The following IQCE variants were observed in gnomAD, a reference collection of about 807,000 sequenced individuals.
IQCE encodes IQ motif containing E.
IQCE carries 115 observed loss-of-function variants against 96.0 expected under a neutral mutation model. The observed-to-expected ratio is 1.20, with a 90% confidence interval of 1.03 to 1.40. IQCE has a LOEUF of 1.40. Ranked by LOEUF, IQCE falls within the 40% of genes most tolerant of loss-of-function variation. The pLI, the probability that IQCE is intolerant of heterozygous loss-of-function variation, is 0.00. For synonymous variants in IQCE, 412 were observed against 371.2 expected (o/e 1.11, Z -1.26); for missense variants, 1,041 against 909.1 (o/e 1.15, Z -1.87).
chr7:2,592,710 G>A (rs915814052), intron 14 of IQCE, among the ~76,000 whole-genome samples: 2 of 152,218 alleles, frequency 1.3e-5, no homozygotes, highest in African/African-American at 2.4e-5. Flanking sequence ...ACCCTCACAC[G>A]GGTGCGAGGT....
intron 2 of IQCE, 51 bp from the exon 3 acceptor site, chr7:2,568,903 G>A: frequency 1.3e-6 from 2 of 1,534,996 alleles, no homozygotes; most frequent in Middle Eastern, 1.7e-4. Context: ...GTCTTGTGAT[G>A]CACCACTGTG....
At chr7:2,610,019 C>T (rs201483489) in intron 21 of IQCE, 25 bp from the exon 22 acceptor site, 1 of 1,340,718 alleles carries the variant, frequency 7.5e-7, no homozygotes, top group Non-Finnish European at 1.1e-6. Context: ...TGGCTGACCC[C>T]TCTCCCTGTG....
chr7:2,567,931 C>G (rs1296056760), intron 2 of IQCE, among the ~76,000 whole-genome samples: 1 of 152,160 alleles, frequency 6.6e-6, no homozygotes, highest in Non-Finnish European at 1.5e-5. Context: ...AGGAGGGATC[C>G]AAACCAAGCC....
At chr7:2,579,836 C>G (rs2917738) in intron 8 of IQCE, among the ~76,000 whole-genome samples, 114,377 of 151,064 alleles carry the variant, frequency 0.76, 43,528 homozygotes, top group African/African-American at 0.8. Context: ...ATTCAGCTCA[C>G]GTGATCCCTG....
Position 2,604,980 on chromosome 7 carries a change from C to T in IQCE, c.1732C>T (p.Leu578Phe), listed in dbSNP as rs1193648945. The T allele has an allele frequency of 8.7e-6, 14 of 1,612,210 alleles. No individual in the cohort carries two copies. Among genetic ancestry groups the T allele is most frequent in the Admixed American group, 1.7e-5 (1 of 59,994 alleles). The change falls in exon 19 of 22, where the codon CTC becomes TTC. Residue 578 changes from leucine (L) to phenylalanine (F), a missense_variant. Leu to Phe is a conservative substitution (Grantham distance 22). Coordinates refer to ENST00000402050, the MANE Select transcript of IQCE (RefSeq NM_152558.5). The part of the protein sequence containing the change: ...HGSEPPSVPG[L>F]PDQSSPVPRV... ...CTCAGAGCCACCCAGCGTGCCAGGC[C>T]TCCCAGACCAGGTAATGTCGGGGTG...
At chr7:2,596,399 ATT>A (rs3074415) in intron 16 of IQCE, among the ~76,000 whole-genome samples, 15,292 of 138,364 alleles carry the variant, frequency 0.11, 855 homozygotes, top group Non-Finnish European at 0.14. Flanking sequence ...GGTTATAAGC[ATT>A]TTTTTTTTTT....
intron 19 of IQCE, 97 bp downstream of exon 19, chr7:2,605,088 A>C: frequency 2.4e-6 from 2 of 844,078 alleles, no homozygotes; most frequent in South Asian, 3.1e-5. Context: ...CTCAGCCTCC[A>C]CATCCCCGCC....
At chr7:2,607,045 T>G in intron 20 of IQCE, 79 bp from the exon 21 acceptor site, 1 of 1,326,332 alleles carries the variant, frequency 7.5e-7, no homozygotes, top group South Asian at 1.5e-5. Context: ...CCAAGCAAAT[T>G]ACTGAGGCTG....
chr7:2,575,134 G>C (rs1167353712), intron 6 of IQCE, among the ~76,000 whole-genome samples: 1 of 152,244 alleles, frequency 6.6e-6, no homozygotes, highest in Non-Finnish European at 1.5e-5. Flanking sequence ...AGTATAAAAA[G>C]TGATTTCCTT....
rs555122760 is a variant in IQCE, at chr7:2,607,160, CAGG to C, written c.1908_1910del (p.Arg637del). ...AAAGAACCACCACCGCAGCTTCTAC[CAGG>C]AGGAGATCGGCTTCAGCCACACACG... On this transcript the variant is annotated inframe_deletion, in exon 21 of 22. Transcript: ENST00000402050. 95 of 1,611,976 alleles carry C rather than the reference CAGG, an allele frequency of 5.9e-5. No homozygotes were observed. In the African/African-American group the frequency reaches 1.2e-3, roughly 20 times the overall value.
chr7:2,574,004 G>A (rs1194004377), intron 6 of IQCE, among the ~76,000 whole-genome samples: 1 of 152,162 alleles, frequency 6.6e-6, no homozygotes, highest in East Asian at 1.9e-4. Context: ...GCAGAACCAA[G>A]ATTCAAGGTC....
At chr7:2,572,855 C>A in intron 5 of IQCE, 1 of 405,668 alleles carries the variant, frequency 2.5e-6, no homozygotes, top group South Asian at 1.8e-5. Flanking sequence ...CTCTCTTTAT[C>A]CACGTGTTTC....
Position 2,566,052 on chromosome 7 carries a change from A to G in IQCE, c.37-1064A>G, listed in dbSNP as rs998137724. Among the ~76,000 whole-genome samples, 60 of 152,172 alleles carry G rather than the reference A, an allele frequency of 3.9e-4. 1 individual carries two copies. Among genetic ancestry groups the G allele is most frequent in the Non-Finnish European group, 1.9e-4 (13 of 68,038 alleles). On this transcript the variant is annotated intron_variant, in intron 1 of 21. Transcript: ENST00000402050. ...GCTTTTCAGAACGCAGTAGCATCCC[A>G]TTATGATACTGCGTGGACTCAGCTA...
intron 14 of IQCE, among the ~76,000 whole-genome samples, chr7:2,591,517 G>A (rs532512235): frequency 6.6e-6 from 1 of 152,122 alleles, no homozygotes; most frequent in East Asian, 1.9e-4. Flanking sequence ...TGTGAGGCCA[G>A]CAGCAGCAAC....
In IQCE at chr7:2,590,045, G is replaced by C. The variant is rs760964507; in HGVS notation, c.1183G>C (p.Gly395Arg). ...DRNKDHERLRGAVRDLKEERT... is the reference protein window; with the variant it reads ...DRNKDHERLRRAVRDLKEERT... ...CAACAAGGACCACGAGCGTCTCCGAGGGGCTGTGAGAGACCTGAAGGAAGA... is the reference window on the plus strand; with the variant it reads ...CAACAAGGACCACGAGCGTCTCCGACGGGCTGTGAGAGACCTGAAGGAAGA... Residue 395 changes from glycine (G) to arginine (R), a missense_variant, in exon 14 of 22, where the codon GGG (glycine) becomes CGG (arginine). Gly to Arg is a moderately radical substitution (Grantham distance 125, BLOSUM62 -2). Transcript: ENST00000402050. 1 of 1,613,660 alleles carries C rather than the reference G, an allele frequency of 6.2e-7. No individual in the cohort carries two copies. The highest frequency in any genetic ancestry group is 1.7e-5 in the Admixed American group (1 of 60,020).
chr7:2,596,962 T>C (rs1425332620), intron 16 of IQCE: 3 of 471,062 alleles, frequency 6.4e-6, no homozygotes, highest in African/African-American at 6.0e-5. Flanking sequence ...TCAGGGATGT[T>C]AAGATGTGCA....
chr7:2,580,606 C>CT (rs1208229586), intron 8 of IQCE, among the ~76,000 whole-genome samples: 4 of 151,324 alleles, frequency 2.6e-5, no homozygotes, highest in Non-Finnish European at 5.9e-5. Context: ...GAGTGAAACT[C>CT]TGTCTCAAAA....
At chr7:2,590,486 C>T (rs747169975) in intron 14 of IQCE, among the ~76,000 whole-genome samples, 6 of 152,144 alleles carry the variant, frequency 3.9e-5, no homozygotes, top group East Asian at 1.9e-4. Flanking sequence ...AGATACTGGC[C>T]GGGCACGGTG....
Position 2,604,904 on chromosome 7 carries a change from T to C in IQCE, c.1656T>C (p.Ala552=). ...LDEAAVVLQA[A]FRGHLTRTKL... Reference sequence around the variant, plus strand: ...AGGCGGCTGTGGTGCTTCAGGCAGCTTTCAGGGGACATCTCACGCGGACAA... The same window carrying C: ...AGGCGGCTGTGGTGCTTCAGGCAGCCTTCAGGGGACATCTCACGCGGACAA... Residue 552 remains alanine, a synonymous_variant, in exon 19 of 22, where the codon GCT becomes GCC. Coordinates refer to ENST00000402050, the MANE Select transcript of IQCE (RefSeq NM_152558.5). 6.2e-7 allele frequency: 1 copy of C among 1,613,726 alleles called. No individual in the cohort carries two copies. Among genetic ancestry groups the C allele is most frequent in the Non-Finnish European group, 8.5e-7 (1 of 1,179,944 alleles).
Sources: allele counts gnomAD v4.1 joint callset (sites outside exome capture counted in the v4.1 genomes callset), GRCh38; gene constraint gnomAD v4.1.1; transcripts MANE v1.5; gene names NCBI Gene and HGNC (gene_info 2026-07-23, HGNC 2026-07-21).